The following HNF4G variants were observed in gnomAD, a reference collection of about 807,000 sequenced individuals.
HNF4G encodes hepatocyte nuclear factor 4 gamma.
A neutral mutation model predicts 50.9 loss-of-function variants in HNF4G; 21 were observed. The observed-to-expected ratio is 0.41, with a 90% CI of 0.29 to 0.59. The LOEUF (loss-of-function observed/expected upper bound fraction) is 0.59. Among genes scored for constraint, HNF4G ranks in the 20% least tolerant of loss-of-function variants. The pLI is 0.26. For synonymous variants in HNF4G, 198 were observed against 185.6 expected (o/e 1.07, Z -0.54); for missense variants, 527 against 559.4 (o/e 0.94, Z 0.58).
At chr8:75,481,562 T>C (rs1166472211) in intron 1 of HNF4G, among the ~76,000 whole-genome samples, 1 of 152,146 alleles carries the variant, frequency 6.6e-6, no homozygotes, top group Non-Finnish European at 1.5e-5. Flanking sequence ...GTTTCTGTCA[T>C]TCCTACAGGA....
chr8:75,444,724 G>A (rs1310441928), intron 1 of HNF4G, among the ~76,000 whole-genome samples: 1 of 88,584 alleles, frequency 1.1e-5, no homozygotes, highest in African/African-American at 5.6e-5. Context: ...AACAAGAAGA[G>A]CTAACTATCC....
At chr8:75,448,838 A>G (rs890411847) in intron 1 of HNF4G, among the ~76,000 whole-genome samples, 1 of 152,162 alleles carries the variant, frequency 6.6e-6, no homozygotes, top group Non-Finnish European at 1.5e-5. Context: ...ACATAGGACT[A>G]TATCAGAATT....
At chr8:75,540,172 T>G in intron 1 of HNF4G, 92 bp downstream of exon 1, 2 of 737,322 alleles carry the variant, frequency 2.7e-6, no homozygotes, top group Non-Finnish European at 4.7e-6. Flanking sequence ...GCTCAATGTT[T>G]TTTTTGCTGG....
intron 6 of HNF4G, among the ~76,000 whole-genome samples, chr8:75,557,384 C>CAGAG (rs1261999570): frequency 6.6e-6 from 1 of 152,158 alleles, no homozygotes; most frequent in East Asian, 1.9e-4. Context: ...CTTTGGGAGA[C>CAGAG]AGAGGCAGGA....
intron 2 of HNF4G, among the ~76,000 whole-genome samples, chr8:75,546,297 T>C (rs563652751): frequency 1.3e-5 from 2 of 152,244 alleles, no homozygotes; most frequent in Middle Eastern, 6.8e-3. Flanking sequence ...TTAATGTTAC[T>C]TAACACCCCC....
At chr8:75,523,913 A>G (rs1440694617) in intron 2 of HNF4G, among the ~76,000 whole-genome samples, 1 of 151,966 alleles carries the variant, frequency 6.6e-6, no homozygotes, top group African/African-American at 2.4e-5. Flanking sequence ...TATAAGAAGT[A>G]TAATGAAAAT....
intron 2 of HNF4G, among the ~76,000 whole-genome samples, chr8:75,546,336 C>G (rs184639867): frequency 7.5e-4 from 114 of 152,166 alleles, no homozygotes; most frequent in Admixed American, 2.9e-3. Flanking sequence ...ATGGTGGAAT[C>G]AAGCTTAGAT....
At chr8:75,553,934 A>C (rs1807042742) in intron 5 of HNF4G, among the ~76,000 whole-genome samples, 2 of 152,164 alleles carry the variant, frequency 1.3e-5, no homozygotes, top group Non-Finnish European at 2.9e-5. Context: ...TTTTGGTTTC[A>C]GATTCATTTT....
intron 2 of HNF4G, among the ~76,000 whole-genome samples, chr8:75,499,427 T>A (rs775659359): frequency 5.9e-5 from 9 of 152,014 alleles, no homozygotes; most frequent in Non-Finnish European, 1.2e-4. Context: ...TTGAAAGATT[T>A]AATATATATG....
rs1446273770 is a variant in HNF4G at position 75,425,175 on chromosome 8, C to T, written c.-144+17013C>T. 2.0e-5 allele frequency among the ~76,000 whole-genome samples: 3 copies of T among 151,744 alleles called. No homozygotes were observed. The East Asian group carries it at 5.8e-4, about 29-fold the overall frequency. On this transcript the variant is annotated intron_variant, in intron 1 of 10. Transcript: ENST00000354370. ...ATCTCGGCTCACTGCAACTTTGTCT[C>T]CTAGGTTCAAGTGATTCTCCCGTCT...
chr8:75,504,730 CTGA>C (rs1282428050), intron 2 of HNF4G, among the ~76,000 whole-genome samples: 4 of 151,960 alleles, frequency 2.6e-5, no homozygotes, highest in African/African-American at 9.7e-5. Flanking sequence ...TTATATTGTA[CTGA>C]TGATGATTTG....
chr8:75,561,192 G>A (rs920725982), intron 9 of HNF4G, among the ~76,000 whole-genome samples: 1 of 152,080 alleles, frequency 6.6e-6, no homozygotes, highest in Non-Finnish European at 1.5e-5. Flanking sequence ...TTTCTTGCCG[G>A]TTTCACTTAT....
intron 2 of HNF4G, among the ~76,000 whole-genome samples, chr8:75,493,037 ACT>A (rs960960071): frequency 6.6e-6 from 1 of 151,950 alleles, no homozygotes; most frequent in Non-Finnish European, 1.5e-5. Flanking sequence ...ATATATATAC[ACT>A]CACACACATA....
chr8:75,530,065 G>A (rs1407298572), intron 2 of HNF4G, among the ~76,000 whole-genome samples: 1 of 152,058 alleles, frequency 6.6e-6, no homozygotes, highest in African/African-American at 2.4e-5. Flanking sequence ...CAGGATCCTG[G>A]AGCAAGAATC....
In HNF4G at chr8:75,543,196, A is replaced by T. The variant is rs184926902; in HGVS notation, c.119-615A>T. The stretch of plus-strand genomic sequence containing the variant: ...CTCTCTAGCCTGAGCAACAGGGGGA[A>T]CTCAGGCTCAAAAAATTAAGTAAAT... On this transcript the variant is annotated intron_variant, in intron 1 of 9. Coordinates refer to ENST00000396423, the MANE Select transcript of HNF4G (RefSeq NM_004133.5). Among the ~76,000 whole-genome samples the T allele has an allele frequency of 5.9e-3, 899 of 152,262 alleles. 5 individuals are homozygous for T. The highest frequency in any genetic ancestry group is 0.011 in the Non-Finnish European group (716 of 68,018).
chr8:75,486,868 G>A (rs959752937), intron 1 of HNF4G, among the ~76,000 whole-genome samples: 8 of 152,122 alleles, frequency 5.3e-5, no homozygotes, highest in Non-Finnish European at 8.8e-5. Flanking sequence ...TGGGTGTGGT[G>A]GCATGTGCCT....
chr8:75,472,657 T>A (rs532459087), intron 1 of HNF4G, among the ~76,000 whole-genome samples: 1 of 151,182 alleles, frequency 6.6e-6, no homozygotes, highest in African/African-American at 2.4e-5. Flanking sequence ...CATTAAAAGA[T>A]GAGGAAAGTA....
At chr8:75,529,219 A>C (rs990195208) in intron 2 of HNF4G, among the ~76,000 whole-genome samples, 1 of 152,042 alleles carries the variant, frequency 6.6e-6, no homozygotes, top group African/African-American at 2.4e-5. Flanking sequence ...TGAACCCGGC[A>C]GGCGGAGCTT....
chr8:75,498,019 G>C (rs915477892), intron 2 of HNF4G, among the ~76,000 whole-genome samples: 1 of 151,840 alleles, frequency 6.6e-6, no homozygotes, highest in Non-Finnish European at 1.5e-5. Context: ...GGGACACTTA[G>C]AATTTTTAAG....
Sources: gnomAD v4.1 joint callset for allele counts (sites outside exome capture counted in the v4.1 genomes callset) on GRCh38, gnomAD v4.1.1 for gene constraint, MANE v1.5 for transcripts, NCBI Gene and HGNC (gene_info 2026-07-23, HGNC 2026-07-21) for gene names.